Variants in AUTS2 observed in about 807,000 individuals in gnomAD.
AUTS2 encodes the protein autism susceptibility gene 2 protein.
Under a neutral mutation model 112.4 loss-of-function variants are expected in AUTS2, and 17 were observed. That is an observed-to-expected ratio of 0.15 (90% CI 0.10 to 0.23). The LOEUF is 0.23. Among genes scored for constraint, AUTS2 ranks in the 10% least tolerant of loss-of-function variants. The probability of loss-of-function intolerance (pLI) is 1.00; values close to 1 mark genes in which losing one functional copy is unlikely to be tolerated. For synonymous variants in AUTS2, 751 were observed against 702.7 expected, an observed-to-expected ratio of 1.07 and a Z score of -1.09; for missense variants, 1,510 against 1,701.6, an observed-to-expected ratio of 0.89 and a Z score of 1.98.
chr7:70,698,500 G>T, intron 5 of AUTS2, 69 bp from the exon 6 acceptor site: 1 of 1,294,442 alleles, frequency 7.7e-7, no homozygotes, highest in South Asian at 1.3e-5. Context: ...TTAAAATAAT[G>T]GGAATGTTGA....
At chr7:69,679,557 G>C (rs981820835) in intron 1 of AUTS2, among the ~76,000 whole-genome samples, 10 of 152,176 alleles carry the variant, frequency 6.6e-5, no homozygotes, top group Non-Finnish European at 8.8e-5. Flanking sequence ...TTGTTCGGCA[G>C]ACATTTCAAA....
chr7:69,736,473 C>T (rs1471655597), intron 1 of AUTS2, among the ~76,000 whole-genome samples: 2 of 152,182 alleles, frequency 1.3e-5, no homozygotes, highest in Non-Finnish European at 2.9e-5. Flanking sequence ...TTTGTGAAGT[C>T]TCTGAAGTGT....
chr7:70,514,977 CT>C (rs1430629972), intron 5 of AUTS2, among the ~76,000 whole-genome samples: 3 of 152,008 alleles, frequency 2.0e-5, no homozygotes, highest in Non-Finnish European at 4.4e-5. Context: ...AGTTGTTTAT[CT>C]TTTTTGTATT....
intron 4 of AUTS2, among the ~76,000 whole-genome samples, chr7:70,326,937 T>G (rs35671853): frequency 7.8e-6 from 1 of 128,190 alleles, no homozygotes; most frequent in Non-Finnish European, 1.7e-5. Context: ...TTTTTTTTTG[T>G]GACGGAATTT....
intron 1 of AUTS2, among the ~76,000 whole-genome samples, chr7:69,896,888 C>G (rs1369977944): frequency 6.6e-6 from 1 of 152,202 alleles, no homozygotes; most frequent in Non-Finnish European, 1.5e-5. Context: ...ATTTTCTCAG[C>G]TCTAACCCTC....
intron 1 of AUTS2, among the ~76,000 whole-genome samples, chr7:69,772,209 T>A (rs1307133507): frequency 6.6e-6 from 1 of 152,224 alleles, no homozygotes; most frequent in Non-Finnish European, 1.5e-5. Context: ...TCTGGATAAC[T>A]GAAGCTTACA....
intron 2 of AUTS2, among the ~76,000 whole-genome samples, chr7:70,043,561 C>T (rs974100498): frequency 3.1e-5 from 2 of 65,144 alleles, no homozygotes; most frequent in Non-Finnish European, 6.3e-5. Flanking sequence ...TCCTTCCTTC[C>T]TTCCTTCCTT....
intron 1 of AUTS2, among the ~76,000 whole-genome samples, chr7:69,794,451 A>G (rs1006465728): frequency 7.2e-5 from 11 of 152,256 alleles, no homozygotes; most frequent in African/African-American, 2.6e-4. Context: ...GTAAAAGTGT[A>G]TATGTTTCTG....
rs1287819222 is a variant in AUTS2, at chr7:70,775,378, A to G, written c.1924A>G (p.Met642Val). ...ACAGTTGACAGATCCTTTCAGACCT[A>G]TGTTAAGGGTAAGAAAGCTTCTTAT... is the stretch of plus-strand genomic sequence containing the variant. The part of the protein sequence containing the change: ...DPRLTDPFRP[M>V]LRKPGKWCAM... The change falls in exon 13 of 19, where the codon ATG becomes GTG. Residue 642 changes from methionine (M) to valine (V), a missense_variant. Physicochemically the swap from Met to Val is conservative, Grantham distance 21 (BLOSUM62 1). Coordinates refer to ENST00000342771, the MANE Select transcript of AUTS2 (RefSeq NM_015570.4). The G allele has an allele frequency of 1.9e-6, 3 of 1,612,642 alleles. No individual in the cohort carries two copies. Among genetic ancestry groups the G allele is most frequent in the African/African-American group, 1.3e-5 (1 of 74,874 alleles).
At chr7:70,777,253 G>A (rs1165701386) in intron 14 of AUTS2, 79 bp downstream of exon 14, 8 of 1,328,626 alleles carry the variant, frequency 6.0e-6, no homozygotes, top group Non-Finnish European at 8.7e-6. Context: ...ACCTGATGAA[G>A]GAGGCATTTA....
intron 10 of AUTS2, among the ~76,000 whole-genome samples, chr7:70,769,372 T>TTAAAG (rs1458773572): frequency 1.3e-5 from 2 of 151,828 alleles, no homozygotes; most frequent in Non-Finnish European, 2.9e-5. Flanking sequence ...CTCTGCTGAT[T>TTAAAG]TAAAGTAAGG....
intron 5 of AUTS2, among the ~76,000 whole-genome samples, chr7:70,498,199 T>C (rs894986498): frequency 1.1e-4 from 16 of 152,298 alleles, no homozygotes; most frequent in Admixed American, 3.3e-4. Context: ...TCAAGGAGTG[T>C]GGAAACCGGC....
At chr7:70,561,575 A>G (rs937701261) in intron 5 of AUTS2, among the ~76,000 whole-genome samples, 3 of 152,180 alleles carry the variant, frequency 2.0e-5, no homozygotes, top group African/African-American at 7.2e-5. Context: ...GCAGTGAACT[A>G]TAATCCACTG....
At chr7:70,205,615 A>G (rs944797085) in intron 4 of AUTS2, among the ~76,000 whole-genome samples, 1 of 152,238 alleles carries the variant, frequency 6.6e-6, no homozygotes, top group Admixed American at 6.5e-5. Context: ...GCAATAGGCT[A>G]TACCATAGAG....
chr7:70,251,673 A>G (rs922417874), intron 4 of AUTS2, among the ~76,000 whole-genome samples: 2 of 152,066 alleles, frequency 1.3e-5, no homozygotes, highest in African/African-American at 4.8e-5. Flanking sequence ...TACATTCCAG[A>G]TGATGTTTTA....
intron 5 of AUTS2, among the ~76,000 whole-genome samples, chr7:70,446,328 C>T (rs115475418): frequency 5.7e-4 from 87 of 152,310 alleles, no homozygotes; most frequent in African/African-American, 1.9e-3. Flanking sequence ...GGCCGGAGTG[C>T]GTGCCGGCTG....
At chr7:70,254,177 G>A (rs949298949) in intron 4 of AUTS2, among the ~76,000 whole-genome samples, 1 of 152,040 alleles carries the variant, frequency 6.6e-6, no homozygotes, top group Non-Finnish European at 1.5e-5. Context: ...AATCTCCCAT[G>A]GCATAAGGCT....
intron 5 of AUTS2, among the ~76,000 whole-genome samples, chr7:70,632,546 G>A (rs941213653): frequency 6.6e-6 from 1 of 151,624 alleles, no homozygotes; most frequent in Non-Finnish European, 1.5e-5. Context: ...GCCCCCCGTT[G>A]AGCCACGCAG....
chr7:70,720,179 T>A (rs1169539392), intron 6 of AUTS2, among the ~76,000 whole-genome samples: 1 of 147,572 alleles, frequency 6.8e-6, no homozygotes, highest in African/African-American at 2.5e-5. Context: ...CAACACGAAG[T>A]CTTTTTGTTG....
Sources: allele counts gnomAD v4.1 joint callset (sites outside exome capture counted in the v4.1 genomes callset), GRCh38; gene constraint gnomAD v4.1.1; transcripts MANE v1.5; gene names NCBI Gene and HGNC (gene_info 2026-07-23, HGNC 2026-07-21).